The following SKAP2 variants were observed in gnomAD, a reference collection of about 807,000 sequenced individuals.
SKAP2 encodes the protein src kinase-associated phosphoprotein 2.
SKAP2 carries 28 observed loss-of-function variants against 54.9 expected under a neutral mutation model. That is an observed-to-expected ratio of 0.51 (90% CI 0.38 to 0.70). The LOEUF (loss-of-function observed/expected upper bound fraction) is 0.70, where lower values mean the gene tolerates loss of function less well. SKAP2 is among the 30% of genes least tolerant of loss of function. The pLI, the probability that SKAP2 is intolerant of heterozygous loss-of-function variation, is 0.00. For missense variants in SKAP2, 356 were observed against 424.1 expected, an observed-to-expected ratio of 0.84 and a Z score of 1.41; for synonymous variants, 137 against 134.3, an observed-to-expected ratio of 1.02 and a Z score of -0.14.
At chr7:26,735,845 T>A (rs1006685282) in intron 6 of SKAP2, among the ~76,000 whole-genome samples, 3 of 151,946 alleles carry the variant, frequency 2.0e-5, no homozygotes, top group Non-Finnish European at 4.4e-5. Flanking sequence ...GCCAAACAAG[T>A]AATTAAAAAC....
intron 4 of SKAP2, among the ~76,000 whole-genome samples, chr7:26,823,501 G>A (rs1356776799): frequency 6.6e-6 from 1 of 151,522 alleles, no homozygotes; most frequent in Non-Finnish European, 1.5e-5. Context: ...GAGTGGTCTG[G>A]CTAGAAGATT....
At chr7:26,680,019 G>A (rs1185029313) in intron 11 of SKAP2, among the ~76,000 whole-genome samples, 4 of 152,262 alleles carry the variant, frequency 2.6e-5, no homozygotes, top group Admixed American at 6.5e-5. Context: ...AAAGCTAGTC[G>A]CATATGCCCT....
chr7:26,770,205 G>A (rs552061958), intron 4 of SKAP2, among the ~76,000 whole-genome samples: 12 of 152,294 alleles, frequency 7.9e-5, no homozygotes, highest in South Asian at 2.1e-4. Flanking sequence ...TTGCCAAGCC[G>A]TGGTAGGCTC....
At chr7:26,690,082 A>C (rs1253806317) in intron 10 of SKAP2, among the ~76,000 whole-genome samples, 1 of 152,214 alleles carries the variant, frequency 6.6e-6, no homozygotes. Flanking sequence ...CCTTGTATAA[A>C]TTGGCTTACT....
At chr7:26,783,047 T>G (rs1485035147) in intron 4 of SKAP2, among the ~76,000 whole-genome samples, 1 of 152,174 alleles carries the variant, frequency 6.6e-6, no homozygotes, top group Non-Finnish European at 1.5e-5. Flanking sequence ...CTCAGATCAC[T>G]CTCCTGAGCT....
At chr7:26,822,371 T>C (rs1013925370) in intron 4 of SKAP2, among the ~76,000 whole-genome samples, 2 of 152,184 alleles carry the variant, frequency 1.3e-5, no homozygotes, top group African/African-American at 4.8e-5. Flanking sequence ...TATTATTATA[T>C]CTGTTATGGT....
chr7:26,854,685 A>G (rs1449428535), intron 2 of SKAP2, 100 bp downstream of exon 2: 1 of 1,209,368 alleles, frequency 8.3e-7, no homozygotes, highest in African/African-American at 1.5e-5. Flanking sequence ...AAACTGGAAC[A>G]TGAAAAATTT....
At chr7:26,776,922 A>T (rs1783323809) in intron 4 of SKAP2, among the ~76,000 whole-genome samples, 1 of 152,082 alleles carries the variant, frequency 6.6e-6, no homozygotes, top group Non-Finnish European at 1.5e-5. Flanking sequence ...TGGCACATCT[A>T]CATCCTGTGC....
Position 26,807,114 on chromosome 7 carries a change from A to G in SKAP2, c.307+36916T>C, listed in dbSNP as rs151061245. On this transcript the variant is annotated intron_variant, in intron 4 of 12. Transcript: ENST00000345317. Reference sequence around the variant, plus strand: ...GTTGCTTCTTAGGATGAGCAAAAAAAGTGGTTTCTTGCGATGGAATCTACT... The same window carrying G: ...GTTGCTTCTTAGGATGAGCAAAAAAGGTGGTTTCTTGCGATGGAATCTACT... Among the ~76,000 whole-genome samples, 494 of 152,372 alleles carry G rather than the reference A, an allele frequency of 3.2e-3. 6 individuals carry two copies. The highest frequency in any genetic ancestry group is 0.011 in the African/African-American group (467 of 41,588).
chr7:26,761,486 T>C (rs774994537), intron 4 of SKAP2, among the ~76,000 whole-genome samples: 6 of 152,224 alleles, frequency 3.9e-5, no homozygotes, highest in Non-Finnish European at 8.8e-5. Flanking sequence ...TTCTAGTCAG[T>C]GGAATTTGCT....
intron 3 of SKAP2, among the ~76,000 whole-genome samples, chr7:26,851,622 G>A (rs889686629): frequency 7.3e-5 from 11 of 151,360 alleles, no homozygotes; most frequent in Non-Finnish European, 1.3e-4. Context: ...TGTAAATGAC[G>A]AGTTAATGGG....
chr7:26,704,788 T>C (rs1282925399), intron 9 of SKAP2, among the ~76,000 whole-genome samples: 2 of 152,134 alleles, frequency 1.3e-5, no homozygotes, highest in Non-Finnish European at 2.9e-5. Context: ...TCTTGCAAAA[T>C]AGCATTTGCT....
intron 9 of SKAP2, among the ~76,000 whole-genome samples, chr7:26,696,667 A>G (rs1205053767): frequency 2.0e-5 from 3 of 152,216 alleles, no homozygotes; most frequent in African/African-American, 7.2e-5. Context: ...TCTAATTTTC[A>G]CCTTTGACAT....
intron 4 of SKAP2, among the ~76,000 whole-genome samples, chr7:26,826,021 C>T (rs1323207563): frequency 1.3e-5 from 2 of 151,906 alleles, no homozygotes; most frequent in African/African-American, 4.8e-5. Context: ...AGAATGGTAC[C>T]TCCCCAAATC....
At chr7:26,699,707 T>C (rs145198631) in intron 9 of SKAP2, among the ~76,000 whole-genome samples, 345 of 152,324 alleles carry the variant, frequency 2.3e-3, no homozygotes, top group African/African-American at 7.8e-3. Flanking sequence ...GGGTCCTTGA[T>C]AATTTTTAAG....
At chr7:26,857,762 A>G (rs1394785948) in intron 1 of SKAP2, 1 of 982,630 alleles carries the variant, frequency 1.0e-6, no homozygotes, top group Non-Finnish European at 1.2e-6. Flanking sequence ...GAGCCAGGGT[A>G]ATATTTCAAA....
At chr7:26,804,660 A>C (rs1275449590) in intron 4 of SKAP2, among the ~76,000 whole-genome samples, 3 of 150,216 alleles carry the variant, frequency 2.0e-5, no homozygotes, top group African/African-American at 7.4e-5. Flanking sequence ...AATCACTTGA[A>C]CCCGGGAGGC....
At chr7:26,785,189 G>GTTTTTTTGTTTGTT (rs370725165) in intron 4 of SKAP2, among the ~76,000 whole-genome samples, 167 of 151,846 alleles carry the variant, frequency 1.1e-3, no homozygotes, top group Admixed American at 3.3e-3. Context: ...GAAACAGAGT[G>GTTTTTTTGTTTGTT]TTTTTTTGTT....
the SKAP2 span, among the ~76,000 whole-genome samples, chr7:26,656,351 AT>A: frequency 2.0e-4 from 30 of 152,060 alleles, no homozygotes; most frequent in African/African-American, 6.5e-4. Context: ...CTTTATTTGT[AT>A]TTTTCTTTTG....
Sources: gnomAD v4.1 joint callset for allele counts (sites outside exome capture counted in the v4.1 genomes callset) on GRCh38, gnomAD v4.1.1 for gene constraint, MANE v1.5 for transcripts, NCBI Gene and HGNC (gene_info 2026-07-23, HGNC 2026-07-21) for gene names.